Variants in GRM7 observed in about 807,000 individuals in gnomAD.
The protein encoded by GRM7 is glutamate metabotropic receptor 7.
A neutral mutation model predicts 84.5 loss-of-function variants in GRM7; 35 were observed. The ratio of observed to expected loss-of-function variants is 0.41; its 90% confidence interval spans 0.32 to 0.55. GRM7 has a LOEUF of 0.55. Among genes scored for constraint, GRM7 ranks in the 20% least tolerant of loss-of-function variants. The pLI is 0.19. For synonymous variants in GRM7, 487 were observed against 455.1 expected, an observed-to-expected ratio of 1.07 and a Z score of -0.89; for missense variants, 1,003 against 1,194.6, an observed-to-expected ratio of 0.84 and a Z score of 2.36.
At chr3:6,919,843 A>G (rs1339236704) in intron 1 of GRM7, among the ~76,000 whole-genome samples, 1 of 152,154 alleles carries the variant, frequency 6.6e-6, no homozygotes, top group Non-Finnish European at 1.5e-5. Flanking sequence ...CTTTTCCTGT[A>G]CCTTAGCTTT....
At chr3:7,082,622 G>A (rs931511375) in intron 1 of GRM7, among the ~76,000 whole-genome samples, 2 of 152,048 alleles carry the variant, frequency 1.3e-5, no homozygotes, top group African/African-American at 2.4e-5. Context: ...GCCATAGATA[G>A]TGCTTCCTTC....
At chr3:7,588,818 C>A (rs3804889) in intron 8 of GRM7, among the ~76,000 whole-genome samples, 2 of 152,120 alleles carry the variant, frequency 1.3e-5, no homozygotes, top group African/African-American at 4.8e-5. Context: ...TCATATTGCA[C>A]GCTCTTCGTC....
At chr3:7,329,782 G>C (rs1311278604) in intron 4 of GRM7, among the ~76,000 whole-genome samples, 4 of 152,060 alleles carry the variant, frequency 2.6e-5, no homozygotes, top group African/African-American at 9.7e-5. Context: ...ATATCTGTGA[G>C]TGGGGGTATA....
chr3:7,649,321 G>A (rs978984084), intron 8 of GRM7, among the ~76,000 whole-genome samples: 2 of 151,952 alleles, frequency 1.3e-5, no homozygotes, highest in African/African-American at 4.8e-5. Context: ...CTCCTGCCTC[G>A]GCCTCCCAAA....
intron 7 of GRM7, among the ~76,000 whole-genome samples, chr3:7,495,656 C>A (rs1699676412): frequency 6.6e-6 from 1 of 152,144 alleles, no homozygotes; most frequent in East Asian, 1.9e-4. Context: ...TGATGTGATT[C>A]CCAGTAGGTC....
chr3:6,886,627 A>T (rs1226180636), intron 1 of GRM7, among the ~76,000 whole-genome samples: 1 of 151,824 alleles, frequency 6.6e-6, no homozygotes, highest in East Asian at 1.9e-4. Flanking sequence ...TTTTTTCTGT[A>T]AAAAAATACT....
intron 1 of GRM7, among the ~76,000 whole-genome samples, chr3:7,096,223 C>T (rs1458315823): frequency 6.6e-6 from 1 of 152,024 alleles, no homozygotes; most frequent in Non-Finnish European, 1.5e-5. Flanking sequence ...TGGCAGTACA[C>T]CTAGTGATGC....
chr3:7,292,379 A>C (rs1699662738), intron 2 of GRM7, among the ~76,000 whole-genome samples: 1 of 152,152 alleles, frequency 6.6e-6, no homozygotes, highest in East Asian at 1.9e-4. Flanking sequence ...GGAGTATGTG[A>C]GGACAGATAA....
chr3:7,469,255 T>A (rs961791966), intron 7 of GRM7, among the ~76,000 whole-genome samples: 1 of 152,218 alleles, frequency 6.6e-6, no homozygotes, highest in Non-Finnish European at 1.5e-5. Context: ...AGGGATTCAT[T>A]TGAGAACTTG....
Position 6,861,814 on chromosome 3 carries a change from G to C in GRM7, c.426G>C (p.Pro142=). The C allele has an allele frequency of 1.2e-6, 2 of 1,614,184 alleles. No individual in the cohort carries two copies. Among genetic ancestry groups the C allele is most frequent in the African/African-American group, 2.7e-5 (2 of 75,074 alleles). The change falls in exon 1 of 10, where the codon CCG becomes CCC. Residue 142 remains proline (P), a synonymous_variant. Coordinates refer to ENST00000357716, the MANE Select transcript of GRM7 (RefSeq NM_000844.4). The surrounding 1 kb of genome is among the most constrained non-coding windows in gnomAD (Gnocchi z 6.4). ...TGCGCTGCACCAACGGCGAACCGCC[G>C]GTTTTCGTCAAGCCGGAGAAAGTAG... ...SDVRCTNGEP[P]VFVKPEKVVG... is the part of the protein sequence containing the mutation.
At chr3:6,964,017 T>C (rs1355834521) in intron 1 of GRM7, among the ~76,000 whole-genome samples, 1 of 152,210 alleles carries the variant, frequency 6.6e-6, no homozygotes, top group African/African-American at 2.4e-5. Context: ...TGCCTCCATA[T>C]TCTCACCACT....
chr3:7,449,222 A>G (rs534349437), intron 5 of GRM7, among the ~76,000 whole-genome samples: 9 of 152,228 alleles, frequency 5.9e-5, no homozygotes, highest in Admixed American at 3.3e-4. Context: ...ATGAAAAATA[A>G]CACCATACTT....
At chr3:7,686,867 A>G (rs1052139357) in intron 9 of GRM7, among the ~76,000 whole-genome samples, 2 of 152,192 alleles carry the variant, frequency 1.3e-5, no homozygotes, top group African/African-American at 2.4e-5. Flanking sequence ...CAGACCTAGT[A>G]AATTGTTTGT....
intron 9 of GRM7, among the ~76,000 whole-genome samples, chr3:7,695,661 C>CAGAT (rs1424010176): frequency 3.3e-5 from 5 of 152,222 alleles, no homozygotes; most frequent in African/African-American, 1.2e-4. Context: ...TGTCGTTCTC[C>CAGAT]AGATTGTGAT....
chr3:6,971,428 A>C (rs1190403431), intron 1 of GRM7, among the ~76,000 whole-genome samples: 2 of 152,126 alleles, frequency 1.3e-5, no homozygotes, highest in Non-Finnish European at 2.9e-5. Context: ...CCCCCTGCAT[A>C]TTTTAGAGTG....
chr3:7,192,021 G>C (rs938099655), intron 2 of GRM7, among the ~76,000 whole-genome samples: 2 of 152,060 alleles, frequency 1.3e-5, no homozygotes, highest in African/African-American at 4.8e-5. Flanking sequence ...GAACAGTACA[G>C]ATTCTCAGAA....
At chr3:7,428,065 C>A (rs1301579171) in intron 5 of GRM7, among the ~76,000 whole-genome samples, 1 of 152,130 alleles carries the variant, frequency 6.6e-6, no homozygotes, top group South Asian at 2.1e-4. Flanking sequence ...AGAAAAGATA[C>A]GGAGTGACCT....
At chr3:6,978,920 G>A (rs1156339784) in intron 1 of GRM7, among the ~76,000 whole-genome samples, 1 of 152,086 alleles carries the variant, frequency 6.6e-6, no homozygotes, top group Non-Finnish European at 1.5e-5. Flanking sequence ...AAGAGGTATG[G>A]ACATTCATAA....
intron 7 of GRM7, among the ~76,000 whole-genome samples, chr3:7,555,522 A>G (rs1332051937): frequency 2.0e-5 from 3 of 152,194 alleles, no homozygotes; most frequent in Non-Finnish European, 4.4e-5. Flanking sequence ...TTGTCAAATG[A>G]TGTGTTCAAC....
Sources: gnomAD v4.1 joint callset for allele counts (sites outside exome capture counted in the v4.1 genomes callset) on GRCh38, gnomAD v4.1.1 for gene constraint, Gnocchi (gnomAD v3.1) non-coding constraint, MANE v1.5 for transcripts, NCBI Gene and HGNC (gene_info 2026-07-23, HGNC 2026-07-21) for gene names.